Variants in TTC7A observed in about 807,000 individuals in gnomAD.
TTC7A encodes the protein tetratricopeptide repeat domain 7A, also known as tetratricopeptide repeat protein 7A.
In TTC7A, 110 loss-of-function variants were observed where a neutral mutation model predicts 103.7. That is an observed-to-expected ratio of 1.06 (90% CI 0.91 to 1.24). The LOEUF is 1.24. TTC7A is among the 50% of genes most tolerant of loss of function. TTC7A has a pLI of 0.00. For missense variants in TTC7A, 1,340 were observed against 1,116.3 expected, an observed-to-expected ratio of 1.20 and a Z score of -2.86; for synonymous variants, 521 against 467.9, an observed-to-expected ratio of 1.11 and a Z score of -1.47.
intron 19 of TTC7A, among the ~76,000 whole-genome samples, chr2:47,063,570 GAACTCTGGA>G (rs1683956700): frequency 6.6e-6 from 1 of 152,238 alleles, no homozygotes; most frequent in Non-Finnish European, 1.5e-5. Flanking sequence ...GAGCCTTTGT[GAACTCTGGA>G]GGTTGGTACA....
Position 46,961,223 on chromosome 2 carries a change from A to G in TTC7A, c.517+4216A>G, listed in dbSNP as rs996012674. ...TGACAGATATATATTCAGATGAAAC[A>G]GCTCCATTACCATTCTTGTTTGTTT... On this transcript the variant is annotated intron_variant, in intron 3 of 19. Transcript: ENST00000319190. Among the ~76,000 whole-genome samples the G allele has an allele frequency of 7.9e-4, 121 of 152,334 alleles. 1 individual carries two copies. Among genetic ancestry groups the G allele is most frequent in the African/African-American group, 2.9e-3 (121 of 41,572 alleles).
intron 2 of TTC7A, among the ~76,000 whole-genome samples, chr2:46,923,062 A>G (rs1235531148): frequency 6.6e-6 from 1 of 152,230 alleles, no homozygotes; most frequent in African/African-American, 2.4e-5. Context: ...AAGGGTCCTG[A>G]GCACAGGTGC....
chr2:46,980,910 A>G (rs1355838387), intron 5 of TTC7A, among the ~76,000 whole-genome samples: 1 of 152,236 alleles, frequency 6.6e-6, no homozygotes, highest in Non-Finnish European at 1.5e-5. Flanking sequence ...GTAAAATGGT[A>G]CAGCCTAGCC....
chr2:46,953,777 C>T (rs532929372), intron 2 of TTC7A, among the ~76,000 whole-genome samples: 13 of 152,070 alleles, frequency 8.5e-5, no homozygotes, highest in Middle Eastern at 3.4e-3. Flanking sequence ...CCTTCTGCAA[C>T]GGTATTTACT....
chr2:46,916,972 C>T (rs1327884824), intron 1 of TTC7A, among the ~76,000 whole-genome samples: 2 of 150,768 alleles, frequency 1.3e-5, no homozygotes, highest in East Asian at 2.0e-4. Flanking sequence ...CCATTTCTGT[C>T]CATAAAGGTA....
chr2:47,047,741 G>T (rs943465935), intron 16 of TTC7A, among the ~76,000 whole-genome samples: 1 of 152,242 alleles, frequency 6.6e-6, no homozygotes, highest in African/African-American at 2.4e-5. Flanking sequence ...CAGCATTGAA[G>T]ACCTGGCCTA....
intron 11 of TTC7A, among the ~76,000 whole-genome samples, chr2:47,014,237 G>C (rs1191931977): frequency 1.3e-5 from 2 of 152,112 alleles, no homozygotes; most frequent in Non-Finnish European, 2.9e-5. Flanking sequence ...TCCCCCACAG[G>C]AAGCCTACAT....
In TTC7A at chr2:46,941,329, C is replaced by T. The variant is rs1482430334; in HGVS notation, c.-213C>T. 1.3e-5 allele frequency: 3 copies of T among 235,416 alleles called. No homozygotes were observed. Among genetic ancestry groups the T allele is most frequent in the Admixed American group, 6.0e-5 (1 of 16,592 alleles). The allele number at this position is 235,416 out of a possible 1,614,324, so 14.6% of individuals were successfully genotyped here. A position where few individuals can be genotyped will look rare whatever the true frequency, so the allele number is the denominator to read the frequency against. On this transcript the variant is annotated 5_prime_UTR_variant, in exon 1 of 20. Coordinates refer to ENST00000319190, the MANE Select transcript of TTC7A (RefSeq NM_020458.4). The surrounding 1 kb of genome is among the most constrained non-coding windows in gnomAD (Gnocchi z 4.2). ...ACGGGCCGCTCGGCCGGAGCCGCAG[C>T]CCGGAGGCGCCGGGCGGTGCGCTGG...
intron 2 of TTC7A, among the ~76,000 whole-genome samples, chr2:46,927,438 G>A (rs1034657993): frequency 1.3e-5 from 2 of 150,454 alleles, no homozygotes; most frequent in African/African-American, 4.9e-5. Context: ...CTCACTGCAG[G>A]CTCCACCTCC....
intron 1 of TTC7A, among the ~76,000 whole-genome samples, chr2:46,947,361 C>T (rs1003202047): frequency 1.1e-4 from 16 of 152,152 alleles, no homozygotes; most frequent in African/African-American, 2.7e-4. Context: ...GTGCCTCTTT[C>T]GCAGCCAGTC....
intron 3 of TTC7A, among the ~76,000 whole-genome samples, chr2:46,974,106 T>TCAGTCACTCGCCACTTGCAGAGTC (rs1186110937): frequency 6.6e-6 from 1 of 152,218 alleles, no homozygotes. Flanking sequence ...GAAATGCAGT[T>TCAGTCACTCGCCACTTGCAGAGTC]CAGTCACTCG....
rs188458190 is a variant in TTC7A at position 47,072,322 on chromosome 2, G to C, written c.2356-1380G>C. Among the ~76,000 whole-genome samples the C allele has an allele frequency of 3.9e-3, 592 of 152,280 alleles. 4 individuals carry two copies. The highest frequency in any genetic ancestry group is 3.8e-3 in the Non-Finnish European group (256 of 68,018). On this transcript the variant is annotated intron_variant, in intron 19 of 19. Coordinates refer to ENST00000319190, the MANE Select transcript of TTC7A (RefSeq NM_020458.4). ...GCTACGGCTTTGCCCAGGGCTGACA[G>C]AGGCGCTGTGAGGACAGCCTCTTCC...
intron 19 of TTC7A, among the ~76,000 whole-genome samples, chr2:47,069,503 G>A (rs866035651): frequency 1.3e-5 from 2 of 152,124 alleles, no homozygotes; most frequent in Non-Finnish European, 2.9e-5. Flanking sequence ...GGGGGCTCTG[G>A]GGTGAACACA....
At chr2:46,952,539 C>T (rs2103982751) in intron 2 of TTC7A, among the ~76,000 whole-genome samples, 1 of 152,232 alleles carries the variant, frequency 6.6e-6, no homozygotes, top group Admixed American at 6.5e-5. Flanking sequence ...ATTGCTTGAG[C>T]CAGAAGTTTG....
At position 47,021,916 on chromosome 2, in the gene TTC7A, G is replaced by T. The variant is rs150438028; in HGVS notation, c.1447G>T (p.Gly483Trp). The change falls in exon 12 of 20, where the codon GGG becomes TGG. Residue 483 changes from glycine (G) to tryptophan (W), a missense_variant. Transcript: ENST00000319190. Reference sequence around the variant, plus strand: ...GGTGATCAGCCTCGGAGAGGAAGCCGGGGAGTTCCTCCCCAAGGGCTACCT... The same window carrying T: ...GGTGATCAGCCTCGGAGAGGAAGCCTGGGAGTTCCTCCCCAAGGGCTACCT... ...MMVISLGEEA[G>W]EFLPKGYLAL... is the part of the protein sequence containing the mutation. The T allele has an allele frequency of 1.2e-6, 2 of 1,613,946 alleles. No homozygotes were observed. The highest frequency in any genetic ancestry group is 8.5e-7 in the Non-Finnish European group (1 of 1,179,964).
At chr2:47,022,014 G>T in intron 12 of TTC7A, 35 bp downstream of exon 12, 1 of 1,521,990 alleles carries the variant, frequency 6.6e-7, no homozygotes, top group Non-Finnish European at 9.1e-7. Flanking sequence ...TCTACTTGGG[G>T]ATGGCTCAGG....
At chr2:47,009,945 G>GC (rs1677863388) in intron 10 of TTC7A, among the ~76,000 whole-genome samples, 1 of 150,678 alleles carries the variant, frequency 6.6e-6, no homozygotes, top group South Asian at 2.1e-4. Context: ...AGGGAAACAG[G>GC]CCGCCTTTCT....
At chr2:46,931,977 T>C (rs1037002696) in intron 2 of TTC7A, among the ~76,000 whole-genome samples, 8 of 152,184 alleles carry the variant, frequency 5.3e-5, no homozygotes, top group African/African-American at 1.9e-4. Flanking sequence ...TATTTCACCA[T>C]ATTAATGGAT....
At position 46,987,386 on chromosome 2, in the gene TTC7A, C is replaced by T. The variant is rs114262555; in HGVS notation, c.765-6064C>T. ...GCTCTAGGGGTGAAGCAGTGGGGGC[C>T]TGAAAGGGGAGGGGGACCGTGCAGT... On this transcript the variant is annotated intron_variant, in intron 5 of 19. Transcript: ENST00000319190. 4.5e-3 allele frequency among the ~76,000 whole-genome samples: 690 copies of T among 152,270 alleles called. 8 individuals are homozygous for T. Among genetic ancestry groups the T allele is most frequent in the African/African-American group, 0.016 (648 of 41,536 alleles).
Sources: gnomAD v4.1 joint callset for allele counts (sites outside exome capture counted in the v4.1 genomes callset) on GRCh38, gnomAD v4.1.1 for gene constraint, Gnocchi (gnomAD v3.1) non-coding constraint, MANE v1.5 for transcripts, NCBI Gene and HGNC (gene_info 2026-07-23, HGNC 2026-07-21) for gene names.